The following IL34 variants were observed in gnomAD, a reference collection of about 807,000 sequenced individuals.
The protein encoded by IL34 is interleukin 34.
In IL34, 17 loss-of-function variants were observed where a neutral mutation model predicts 25.3. The observed-to-expected ratio is 0.67, with a 90% CI of 0.46 to 1.01. The LOEUF (loss-of-function observed/expected upper bound fraction) is 1.01. Ranked by LOEUF, IL34 falls within the 50% of genes least tolerant of loss-of-function variation. IL34 has a pLI of 0.00. For synonymous variants in IL34, 174 were observed against 140.9 expected (o/e 1.23, Z -1.66); for missense variants, 368 against 312.9 (o/e 1.18, Z -1.33).
chr16:70,636,790 C>CA (rs1415517886), intron 1 of IL34, among the ~76,000 whole-genome samples: 1 of 150,424 alleles, frequency 6.6e-6, no homozygotes, highest in East Asian at 1.9e-4. Flanking sequence ...CAAAACAAAA[C>CA]AAAAAACAAA....
chr16:70,654,701 G>A (rs770619842), intron 2 of IL34, 30 bp downstream of exon 2: 1 of 1,573,540 alleles, frequency 6.4e-7, no homozygotes, highest in Non-Finnish European at 8.7e-7. Flanking sequence ...CTGTGTCCCT[G>A]TCCCCGCGTC....
Position 70,630,746 on chromosome 16 carries a change from A to AT in IL34, c.-400-15795dup, listed in dbSNP as rs572251056. On this transcript the variant is annotated intron_variant, in intron 1 of 6. Transcript: ENST00000429149. ...ACCACCATGCCTGGCTAATTTTTATATTTTTTTGTAGAGACGGGGTTTCGC... is the reference window on the plus strand; with the variant it reads ...ACCACCATGCCTGGCTAATTTTTATATTTTTTTTGTAGAGACGGGGTTTCGC... Among the ~76,000 whole-genome samples, 34 of 151,352 alleles carry AT rather than the reference A, an allele frequency of 2.2e-4. No individual in the cohort carries two copies. In the South Asian group the frequency reaches 5.0e-3, roughly 22 times the overall value.
chr16:70,660,066 C>A lies in IL34; in HGVS notation c.608C>A (p.Pro203His). The change falls in exon 6 of 6, where the codon CCC becomes CAC. Residue 203 changes from proline (P) to histidine (H), a missense_variant. Pro to His is a moderately conservative substitution (Grantham distance 77, BLOSUM62 -2). Coordinates refer to ENST00000288098, the MANE Select transcript of IL34 (RefSeq NM_001393494.1). ...VPSPQSCSPE[P>H]SLQYAATQLY... is the part of the protein sequence containing the mutation. ...AGTCCTCAGTCTTGCAGCCCAGAGCCCTCATTGCAGTATGCGGCCACCCAG... is the reference window on the plus strand; with the variant it reads ...AGTCCTCAGTCTTGCAGCCCAGAGCACTCATTGCAGTATGCGGCCACCCAG... 1 of 1,613,782 alleles carries A rather than the reference C, an allele frequency of 6.2e-7. No homozygotes were observed. The highest frequency in any genetic ancestry group is 8.5e-7 in the Non-Finnish European group (1 of 1,179,874).
intron 1 of IL34, among the ~76,000 whole-genome samples, chr16:70,620,332 C>G (rs1292264698): frequency 3.3e-5 from 5 of 152,102 alleles, no homozygotes; most frequent in Non-Finnish European, 5.9e-5. Flanking sequence ...GGAGCATTCA[C>G]CTTGACTATG....
At chr16:70,621,866 C>T (rs1368294670) in intron 1 of IL34, among the ~76,000 whole-genome samples, 6 of 151,964 alleles carry the variant, frequency 3.9e-5, no homozygotes, top group Non-Finnish European at 8.8e-5. Flanking sequence ...AGGAGAAGGA[C>T]TTTCACAAGG....
intron 1 of IL34, among the ~76,000 whole-genome samples, chr16:70,614,722 A>C (rs1026773804): frequency 2.6e-5 from 4 of 152,242 alleles, no homozygotes; most frequent in African/African-American, 9.6e-5. Context: ...AGTGTCTTGC[A>C]ATAGCAATAT....
intron 1 of IL34, among the ~76,000 whole-genome samples, chr16:70,599,319 T>TCTTTTCTTTCTTTCTC: frequency 9.0e-6 from 1 of 111,160 alleles, no homozygotes; most frequent in East Asian, 2.7e-4. Flanking sequence ...TTTCTTTCTT[T>TCTTTTCTTTCTTTCTC]TCTTTCTTTC....
rs550608624 is a variant in IL34 at position 70,660,127 on chromosome 16, G to A, written c.669G>A (p.Pro223=). 1.4e-5 allele frequency: 22 copies of A among 1,612,418 alleles called. No homozygotes were observed. The highest frequency in any genetic ancestry group is 3.3e-5 in the Admixed American group (2 of 59,776). Residue 223 remains proline, a synonymous_variant, in exon 6 of 6, where the codon CCG becomes CCA. Transcript: ENST00000288098. Reference sequence around the variant, plus strand: ...CGCCCCCGTGGTCCCCCAGCTCCCCGCCTCACTCCACGGGCTCGGTGAGGC... The same window carrying A: ...CGCCCCCGTGGTCCCCCAGCTCCCCACCTCACTCCACGGGCTCGGTGAGGC... The part of the protein sequence containing the change: ...YPPPPWSPSS[P]PHSTGSVRPV...
At chr16:70,651,466 C>T (rs116500946) in intron 1 of IL34, among the ~76,000 whole-genome samples, 1,573 of 152,176 alleles carry the variant, frequency 0.01, 33 homozygotes, top group African/African-American at 0.036. Flanking sequence ...TGCAACTTAG[C>T]AAAAAATGTG....
intron 1 of IL34, among the ~76,000 whole-genome samples, chr16:70,584,813 G>T (rs1375622242): frequency 6.6e-6 from 1 of 151,900 alleles, no homozygotes; most frequent in African/African-American, 2.4e-5. Flanking sequence ...CGATTCTCCT[G>T]CCTCAGCCTC....
chr16:70,631,572 T>G (rs1431247839), intron 1 of IL34, among the ~76,000 whole-genome samples: 1 of 152,196 alleles, frequency 6.6e-6, no homozygotes, highest in Non-Finnish European at 1.5e-5. Flanking sequence ...CCCAATGACC[T>G]TTTAGAGTCT....
intron 1 of IL34, among the ~76,000 whole-genome samples, chr16:70,604,375 A>T (rs1319574674): frequency 1.3e-5 from 2 of 152,188 alleles, no homozygotes; most frequent in Non-Finnish European, 1.5e-5. Context: ...ATCGAATTTG[A>T]GGAGGAGTTT....
chr16:70,600,635 A>T (rs1219218129), intron 1 of IL34, among the ~76,000 whole-genome samples: 2 of 152,230 alleles, frequency 1.3e-5, no homozygotes, highest in East Asian at 3.8e-4. Context: ...GTTTCCCCAC[A>T]TCTTTCTCAA....
At chr16:70,651,247 C>T (rs1239570292) in intron 1 of IL34, among the ~76,000 whole-genome samples, 5 of 152,066 alleles carry the variant, frequency 3.3e-5, no homozygotes, top group African/African-American at 9.6e-5. Context: ...GTACCTAGCG[C>T]AGGGCAAAGC....
intron 1 of IL34, among the ~76,000 whole-genome samples, chr16:70,623,644 T>G (rs973767745): frequency 6.6e-6 from 1 of 151,230 alleles, no homozygotes; most frequent in Non-Finnish European, 1.5e-5. Flanking sequence ...TGGGTTAAGG[T>G]GGGGGAATAC....
upstream of IL34, among the ~76,000 whole-genome samples, chr16:70,644,695 TGAG>T (rs544040162): frequency 2.1e-4 from 16 of 75,170 alleles, no homozygotes; most frequent in Admixed American, 5.7e-4. Flanking sequence ...ATTGCCAGGG[TGAG>T]GAGGAGGAGG....
chr16:70,592,510 T>G (rs1597735986), intron 1 of IL34, among the ~76,000 whole-genome samples: 1 of 152,100 alleles, frequency 6.6e-6, no homozygotes, highest in Non-Finnish European at 1.5e-5. Flanking sequence ...AGGCTCAGGG[T>G]TCTGAGACTT....
At chr16:70,580,598 A>G (rs948856949) in intron 1 of IL34, among the ~76,000 whole-genome samples, 3 of 152,036 alleles carry the variant, frequency 2.0e-5, no homozygotes, top group Non-Finnish European at 4.4e-5. Flanking sequence ...CTGGCCAACA[A>G]GATGAAACCC....
At chr16:70,597,665 G>T (rs1010941712) in intron 1 of IL34, among the ~76,000 whole-genome samples, 1 of 152,184 alleles carries the variant, frequency 6.6e-6, no homozygotes, top group Non-Finnish European at 1.5e-5. Context: ...CCTAAAGGCA[G>T]AATGTGTTTT....
Sources: gnomAD v4.1 joint callset for allele counts (sites outside exome capture counted in the v4.1 genomes callset) on GRCh38, gnomAD v4.1.1 for gene constraint, MANE v1.5 for transcripts, NCBI Gene and HGNC (gene_info 2026-07-23, HGNC 2026-07-21) for gene names.